TENM3: variants seen among roughly 807,000 people sequenced by gnomAD.
The protein encoded by TENM3 is teneurin transmembrane protein 3.
TENM3 carries 63 observed loss-of-function variants against 255.1 expected under a neutral mutation model. That is an observed-to-expected ratio of 0.25 (90% CI 0.20 to 0.30). The LOEUF is 0.30. Among genes scored for constraint, TENM3 ranks in the 10% least tolerant of loss-of-function variants. TENM3 has a pLI of 1.00. For synonymous variants in TENM3, 1,306 were observed against 1,322.3 expected (o/e 0.99, Z 0.27); for missense variants, 2,929 against 3,461.1 (o/e 0.85, Z 3.86).
intron 2 of TENM3, among the ~76,000 whole-genome samples, chr4:182,346,105 A>ATACATAC (rs1554053024): frequency 3.3e-5 from 5 of 152,130 alleles, no homozygotes; most frequent in Non-Finnish European, 7.4e-5. Context: ...ACATACATAC[A>ATACATAC]TACAAAATAC....
chr4:181,492,365 CA>C, the TENM3 span, among the ~76,000 whole-genome samples: 1 of 152,084 alleles, frequency 6.6e-6, no homozygotes, highest in African/African-American at 2.4e-5. Flanking sequence ...TCTTTTTAAC[CA>C]AGAGGCATTG....
chr4:181,514,477 A>G, the TENM3 span, among the ~76,000 whole-genome samples: 2 of 152,322 alleles, frequency 1.3e-5, no homozygotes, highest in South Asian at 4.1e-4. Context: ...AGTAGCAGAT[A>G]ATTACATTTT....
At chr4:181,800,444 C>A in the TENM3 span, among the ~76,000 whole-genome samples, 4 of 152,110 alleles carry the variant, frequency 2.6e-5, no homozygotes, top group Admixed American at 2.0e-4. Context: ...CCAGCCTGAC[C>A]AATATGGTGA....
At chr4:182,222,439 T>C (rs1223505576) in intron 1 of TENM3, among the ~76,000 whole-genome samples, 1 of 152,238 alleles carries the variant, frequency 6.6e-6, no homozygotes, top group Admixed American at 6.5e-5. Context: ...TGATTCTGTG[T>C]GTGCTTGCAT....
chr4:182,006,631 G>T, the TENM3 span, among the ~76,000 whole-genome samples: 2 of 151,022 alleles, frequency 1.3e-5, no homozygotes, highest in Non-Finnish European at 2.9e-5. Flanking sequence ...TTCTTTATTA[G>T]TCTAGCTAGC....
At chr4:182,054,777 C>T in the TENM3 span, among the ~76,000 whole-genome samples, 10 of 151,890 alleles carry the variant, frequency 6.6e-5, no homozygotes, top group African/African-American at 1.2e-4. Context: ...AATATATACA[C>T]CTACTATGTA....
At chr4:182,140,756 G>A (rs58552182), upstream of TENM3, among the ~76,000 whole-genome samples, 1,526 of 152,262 alleles carry the variant, frequency 0.01, 30 homozygotes, top group African/African-American at 0.035. Flanking sequence ...GGCTCTTTAG[G>A]ACAGGAGGAG....
chr4:182,738,435 C>G lies in TENM3; in HGVS notation c.3270C>G (p.Asp1090Glu). ...GATATGAGTATGAGTCGTGTTTGGACCTGACTCTGTGGGAAAAGAGGACTG... is the reference window on the plus strand; with the variant it reads ...GATATGAGTATGAGTCGTGTTTGGAGCTGACTCTGTGGGAAAAGAGGACTG... ...SVGYEYESCL[D>E]LTLWEKRTAI... The change falls in exon 18 of 28, where the codon GAC (aspartate) becomes GAG (glutamate). Residue 1090 changes from aspartate to glutamate, a missense_variant. This residue lies in a region of TENM3 where 1,608 missense variants were observed against 1,884.4 expected (regional missense o/e 0.85). Transcript: ENST00000511685. 6.2e-7 allele frequency: 1 copy of G among 1,612,890 alleles called. No individual in the cohort carries two copies. The highest frequency in any genetic ancestry group is 8.5e-7 in the Non-Finnish European group (1 of 1,179,384).
At chr4:181,682,929 T>C in the TENM3 span, among the ~76,000 whole-genome samples, 10 of 151,934 alleles carry the variant, frequency 6.6e-5, no homozygotes, top group Non-Finnish European at 1.0e-4. Context: ...ACTTTTAGAA[T>C]AAGGCTAGGC....
At chr4:182,425,898 C>T (rs966455635) in intron 3 of TENM3, among the ~76,000 whole-genome samples, 2 of 151,542 alleles carry the variant, frequency 1.3e-5, no homozygotes, top group Admixed American at 1.3e-4. Context: ...ATCCCAGCTA[C>T]TCAGGGGACT....
At chr4:182,094,454 G>A in the TENM3 span, among the ~76,000 whole-genome samples, 1 of 152,100 alleles carries the variant, frequency 6.6e-6, no homozygotes. Context: ...CACCATGTTG[G>A]CCAGGCTGGT....
In TENM3 at chr4:182,754,665, C is replaced by T. The variant is rs779542999; in HGVS notation, c.4298C>T (p.Thr1433Ile). The change falls in exon 22 of 28, where the codon ACA (threonine) becomes ATA (isoleucine). Residue 1433 changes from threonine (T) to isoleucine (I), a missense_variant. Coordinates refer to ENST00000511685, the MANE Select transcript of TENM3 (RefSeq NM_001080477.4). The surrounding 1 kb of genome is among the most constrained non-coding windows in gnomAD (Gnocchi z 5.1). ...AAAATTAACCGGATAAGGCAGGTCA[C>T]AACAGATGGAGAAATCTCCTTAGTG... Reference protein sequence around the residue: ...EKKINRIRQVTTDGEISLVAG... With the variant: ...EKKINRIRQVITDGEISLVAG... 1.2e-6 allele frequency: 2 copies of T among 1,614,044 alleles called. No homozygotes were observed. The highest frequency in any genetic ancestry group is 1.7e-6 in the Non-Finnish European group (2 of 1,179,896).
chr4:181,856,805 G>A, the TENM3 span, among the ~76,000 whole-genome samples: 6 of 152,174 alleles, frequency 3.9e-5, no homozygotes, highest in South Asian at 2.1e-4. Flanking sequence ...AGAGGAGGTC[G>A]GCACTCAGCA....
At chr4:181,894,039 A>G in the TENM3 span, among the ~76,000 whole-genome samples, 7 of 152,064 alleles carry the variant, frequency 4.6e-5, no homozygotes, top group Non-Finnish European at 8.8e-5. Context: ...GTTGAAAAAA[A>G]AAAATGAGTT....
At chr4:181,692,668 T>C in the TENM3 span, among the ~76,000 whole-genome samples, 444 of 152,228 alleles carry the variant, frequency 2.9e-3, 2 homozygotes, top group Non-Finnish European at 4.5e-3. Flanking sequence ...AATAGCATAC[T>C]ATGAGAGTAA....
chr4:181,450,782 T>C, the TENM3 span, among the ~76,000 whole-genome samples: 1 of 152,222 alleles, frequency 6.6e-6, no homozygotes, highest in Non-Finnish European at 1.5e-5. Context: ...TTTCATAACA[T>C]GTGGTGTCAC....
At chr4:182,667,378 A>G (rs1164287549) in intron 6 of TENM3, among the ~76,000 whole-genome samples, 1 of 151,890 alleles carries the variant, frequency 6.6e-6, no homozygotes, top group Admixed American at 6.6e-5. Flanking sequence ...TTTAGTAGAG[A>G]CAGGATTTCA....
At chr4:182,604,779 G>A (rs906956277) in intron 4 of TENM3, among the ~76,000 whole-genome samples, 6 of 152,126 alleles carry the variant, frequency 3.9e-5, no homozygotes, top group Non-Finnish European at 1.5e-5. Context: ...ACTTTGGCAT[G>A]GATAGTTCAT....
intron 3 of TENM3, among the ~76,000 whole-genome samples, chr4:182,347,396 G>A (rs963046027): frequency 1.3e-5 from 2 of 152,136 alleles, no homozygotes; most frequent in Non-Finnish European, 2.9e-5. Context: ...GAGTGAGCAC[G>A]CAGAATAGTT....
Sources: gnomAD v4.1 joint callset for allele counts (sites outside exome capture counted in the v4.1 genomes callset) on GRCh38, gnomAD v4.1.1 for gene constraint, gnomAD v4.1.1 regional missense constraint, Gnocchi (gnomAD v3.1) non-coding constraint, MANE v1.5 for transcripts, NCBI Gene and HGNC (gene_info 2026-07-23, HGNC 2026-07-21) for gene names.